ATRN: variants seen among roughly 807,000 people sequenced by gnomAD.
ATRN encodes the protein attractin.
In ATRN, 54 loss-of-function variants were observed where a neutral mutation model predicts 178.7. That is an observed-to-expected ratio of 0.30 (90% CI 0.24 to 0.38). ATRN has a LOEUF of 0.38. Ranked by LOEUF, ATRN falls within the 10% of genes least tolerant of loss-of-function variation. The pLI is 1.00. For synonymous variants in ATRN, 636 were observed against 663.0 expected (o/e 0.96, Z 0.63); for missense variants, 1,443 against 1,815.1 (o/e 0.79, Z 3.73).
intron 11 of ATRN, 118 bp downstream of exon 11, chr20:3,565,550 G>A (rs953093113): frequency 2.6e-6 from 2 of 766,472 alleles, no homozygotes; most frequent in Non-Finnish European, 2.2e-6. Context: ...GGTGGAATAC[G>A]AGGTCAGGAG....
chr20:3,523,416 G>C (rs1027582479), intron 1 of ATRN, among the ~76,000 whole-genome samples: 1 of 152,150 alleles, frequency 6.6e-6, no homozygotes, highest in Admixed American at 6.5e-5. Context: ...ATGGGACTAT[G>C]TGAAAAGACC....
chr20:3,617,701 G>A (rs780720538), intron 24 of ATRN, among the ~76,000 whole-genome samples: 2 of 152,066 alleles, frequency 1.3e-5, no homozygotes, highest in Non-Finnish European at 2.9e-5. Context: ...AATACAGGTG[G>A]TAGAAGAAGA....
chr20:3,557,496 A>G (rs1019891894), intron 6 of ATRN, among the ~76,000 whole-genome samples: 4 of 152,220 alleles, frequency 2.6e-5, no homozygotes, highest in African/African-American at 9.6e-5. Context: ...TTCTCAAACA[A>G]GAGTGAATTC....
At chr20:3,544,778 T>C (rs1192699589) in intron 3 of ATRN, among the ~76,000 whole-genome samples, 1 of 151,898 alleles carries the variant, frequency 6.6e-6, no homozygotes, top group East Asian at 1.9e-4. Context: ...GTTGGTATTA[T>C]GGCTCTAGAG....
chr20:3,628,620 A>G (rs2086963450), intron 25 of ATRN, among the ~76,000 whole-genome samples: 1 of 152,146 alleles, frequency 6.6e-6, no homozygotes, highest in Admixed American at 6.5e-5. Flanking sequence ...AGATCTAAAA[A>G]TCATAGTATA....
intron 1 of ATRN, among the ~76,000 whole-genome samples, chr20:3,479,517 G>A (rs1188169225): frequency 6.6e-6 from 1 of 152,124 alleles, no homozygotes; most frequent in Non-Finnish European, 1.5e-5. Flanking sequence ...GACCATCTGG[G>A]GGAGAAAGAC....
At chr20:3,633,675 A>G (rs924966184) in intron 25 of ATRN, among the ~76,000 whole-genome samples, 1 of 152,198 alleles carries the variant, frequency 6.6e-6, no homozygotes, top group African/African-American at 2.4e-5. Context: ...AGCTTTTCAA[A>G]TCATTCCACA....
chr20:3,509,148 A>G (rs530008770), intron 1 of ATRN, among the ~76,000 whole-genome samples: 1 of 152,328 alleles, frequency 6.6e-6, no homozygotes, highest in East Asian at 1.9e-4. Flanking sequence ...CAGTTATGTC[A>G]GCACTGGAAT....
chr20:3,600,195 C>T (rs919318559), intron 22 of ATRN, among the ~76,000 whole-genome samples: 11 of 152,144 alleles, frequency 7.2e-5, no homozygotes, highest in African/African-American at 2.7e-4. Flanking sequence ...TACACTTCCT[C>T]CACTGGCTTA....
intron 1 of ATRN, among the ~76,000 whole-genome samples, chr20:3,500,963 G>A (rs190816629): frequency 3.0e-4 from 46 of 152,138 alleles, no homozygotes; most frequent in Admixed American, 1.0e-3. Flanking sequence ...ATAACTAAAT[G>A]TATATTAAGT....
At chr20:3,488,976 T>G (rs973224435) in intron 1 of ATRN, among the ~76,000 whole-genome samples, 22 of 152,046 alleles carry the variant, frequency 1.4e-4, no homozygotes, top group African/African-American at 3.9e-4. Flanking sequence ...TTGTTTGTTT[T>G]TTGAGACGGA....
At chr20:3,512,897 A>G (rs1376580568) in intron 1 of ATRN, among the ~76,000 whole-genome samples, 4 of 152,140 alleles carry the variant, frequency 2.6e-5, no homozygotes, top group African/African-American at 7.2e-5. Flanking sequence ...TTGGCTGCAT[A>G]AATGTCTTCT....
At chr20:3,494,792 G>A (rs960548770) in intron 1 of ATRN, among the ~76,000 whole-genome samples, 13 of 152,170 alleles carry the variant, frequency 8.5e-5, no homozygotes, top group Admixed American at 2.0e-4. Flanking sequence ...ATGAAGCCAC[G>A]GATGCAGATG....
intron 1 of ATRN, among the ~76,000 whole-genome samples, chr20:3,507,060 T>C (rs1176260921): frequency 2.6e-5 from 4 of 151,896 alleles, no homozygotes; most frequent in Non-Finnish European, 4.4e-5. Flanking sequence ...TTTGTTTTTT[T>C]TTTTTTAATG....
chr20:3,520,358 G>A (rs2085275760), intron 1 of ATRN, among the ~76,000 whole-genome samples: 1 of 152,068 alleles, frequency 6.6e-6, no homozygotes, highest in Non-Finnish European at 1.5e-5. Context: ...GGAAATGTTT[G>A]ACATCTTGTT....
chr20:3,571,464 C>G (rs1244651322), intron 11 of ATRN, among the ~76,000 whole-genome samples: 2 of 152,042 alleles, frequency 1.3e-5, no homozygotes, highest in African/African-American at 2.4e-5. Context: ...TGCCAAATCC[C>G]TCTGTAGGCT....
rs1230091962 is a variant in ATRN at position 3,647,038 on chromosome 20, AC to A, written c.*193del. On this transcript the variant is annotated 3_prime_UTR_variant, in exon 29 of 29. Coordinates refer to ENST00000262919, the MANE Select transcript of ATRN (RefSeq NM_139321.3). ...TCTCCCATCCGTGTTCCAGCATCTA[AC>A]CTTTTACTTTTGCATAGGAAATACT... The A allele has an allele frequency of 1.9e-5, 14 of 721,662 alleles. No homozygotes were observed. The allele number at this position is 721,662 out of a possible 1,614,324, so 44.7% of individuals were successfully genotyped here.
rs1555816380 is a variant in ATRN, at chr20:3,559,395, A to T, written c.1115A>T (p.Tyr372Phe). ...AATATGATCTGTTTGTTTTGTAGGT[A>T]TGACCTTGCTTCTAGGGAGTGGCTT... Reference protein sequence around the residue: ...NHSDYNMVLAYDLASREWLPL... With the variant: ...NHSDYNMVLAFDLASREWLPL... Residue 372 changes from tyrosine to phenylalanine, a missense_variant and splice_region_variant, in exon 7 of 29, where the codon TAT becomes TTT. Tyr to Phe is a conservative substitution (Grantham distance 22, BLOSUM62 3). This residue lies in a region of ATRN where 862 missense variants were observed against 972.1 expected (regional missense o/e 0.89). Transcript: ENST00000262919. The T allele has an allele frequency of 1.9e-6, 3 of 1,609,098 alleles. No homozygotes were observed. The highest frequency in any genetic ancestry group is 8.5e-7 in the Non-Finnish European group (1 of 1,175,546).
chr20:3,634,673 A>T (rs1202694894), intron 26 of ATRN, among the ~76,000 whole-genome samples: 3 of 152,230 alleles, frequency 2.0e-5, no homozygotes, highest in Non-Finnish European at 4.4e-5. Context: ...CCTTCAGACC[A>T]GAACCCAAGT....
Sources: allele counts gnomAD v4.1 joint callset (sites outside exome capture counted in the v4.1 genomes callset), GRCh38; gene constraint gnomAD v4.1.1; regional missense constraint gnomAD v4.1.1; transcripts MANE v1.5; gene names NCBI Gene and HGNC (gene_info 2026-07-23, HGNC 2026-07-21).